Variants in TMEM255A observed in about 807,000 individuals in gnomAD.
The protein encoded by TMEM255A is family with sequence similarity 70, member A.
A neutral mutation model predicts 23.5 loss-of-function variants in TMEM255A; 14 were observed. The observed-to-expected ratio is 0.60, with a 90% confidence interval of 0.39 to 0.93. The LOEUF (loss-of-function observed/expected upper bound fraction) is 0.93, where lower values mean the gene tolerates loss of function less well. TMEM255A is among the 40% of genes least tolerant of loss of function. TMEM255A has a pLI of 0.00. For synonymous variants in TMEM255A, 104 were observed against 100.3 expected (o/e 1.04, Z -0.22); for missense variants, 233 against 261.7 (o/e 0.89, Z 0.76).
chrX:120,307,859 T>C (rs1248845904), intron 1 of TMEM255A, among the ~76,000 whole-genome samples: 3 of 112,066 alleles, frequency 2.7e-5, no homozygotes, highest in Non-Finnish European at 5.6e-5. Context: ...GCAGCCTCCC[T>C]GCAGAACTAC....
intron 8 of TMEM255A, among the ~76,000 whole-genome samples, chrX:120,264,838 T>A (rs2057704415): frequency 9.1e-6 from 1 of 109,519 alleles, no homozygotes; most frequent in Non-Finnish European, 1.9e-5. Flanking sequence ...TTTTTATTTA[T>A]CTGGGAATAT....
At position 120,291,243 on chromosome X, in the gene TMEM255A, A is replaced by G. The variant is rs1235086650; in HGVS notation, c.354+8T>C. On this transcript the variant is annotated splice_region_variant and intron_variant, in intron 4 of 8. Coordinates refer to ENST00000371369, the MANE Select transcript of TMEM255A (RefSeq NM_001104544.3). The stretch of plus-strand genomic sequence containing the variant: ...ATTTACTTTAACTCAGGACGAAAAA[A>G]TACTCACAATGTGTCTGGCAGCAAA... 1 of 1,198,245 alleles carries G rather than the reference A, an allele frequency of 8.3e-7. No individual in the cohort carries two copies.
At position 120,260,883 on chromosome X, in the gene TMEM255A, G is replaced by A. The variant is rs782537322; in HGVS notation, c.965C>T (p.Pro322Leu). The part of the protein sequence containing the change: ...PYYPPFEKPP[P>L]YSP ...AGGCATTCCTCTTTAGGGACTGTAA[G>A]GTGGTGGCTTTTCAAAAGGTGGATA... Residue 322 changes from proline (P) to leucine (L), a missense_variant, in exon 9 of 9, where the codon CCT becomes CTT. Coordinates refer to ENST00000371369, the MANE Select transcript of TMEM255A (RefSeq NM_001104544.3). 8.3e-7 allele frequency: 1 copy of A among 1,203,276 alleles called. No individual in the cohort carries two copies. The highest frequency in any genetic ancestry group is 1.8e-5 in the South Asian group (1 of 55,710).
intron 2 of TMEM255A, among the ~76,000 whole-genome samples, chrX:120,297,114 T>A (rs1163704661): frequency 5.1e-4 from 16 of 31,084 alleles, no homozygotes; most frequent in Non-Finnish European, 7.4e-4. Flanking sequence ...ATATATTATA[T>A]TATATTATAA....
At chrX:120,287,265 A>G in intron 4 of TMEM255A, 43 bp from the exon 5 acceptor site, 1 of 1,041,333 alleles carries the variant, frequency 9.6e-7, no homozygotes, top group African/African-American at 1.9e-5. Context: ...TGACTTTGGA[A>G]AATAAAACAG....
chrX:120,305,920 G>A (rs1556026961), intron 1 of TMEM255A, among the ~76,000 whole-genome samples: 1 of 111,745 alleles, frequency 8.9e-6, no homozygotes, highest in Non-Finnish European at 1.9e-5. Flanking sequence ...GGTGGGAGGG[G>A]CAGGCGGTCT....
At chrX:120,253,842 G>A (rs1038433335), downstream of TMEM255A, 6 of 1,211,134 alleles carry the variant, frequency 5.0e-6, 1 homozygote, top group East Asian at 1.8e-4. Flanking sequence ...TCCTGATTCT[G>A]GTGACAAGAA....
rs1287078727 is a variant in TMEM255A, at chrX:120,260,618, A to T, written c.*252T>A. 15 of 332,319 alleles carry T rather than the reference A, an allele frequency of 4.5e-5. No individual in the cohort carries two copies. The highest frequency in any genetic ancestry group is 7.1e-5 in the Non-Finnish European group (14 of 197,599). The allele number at this position is 332,319 out of a possible 1,213,427, so 27.4% of individuals were successfully genotyped here. The stretch of plus-strand genomic sequence containing the variant: ...AGCATAGGGTAATGCAAGTCCAAAC[A>T]AGCTTCTTGCTGGGCTGGCTCCCCA... On this transcript the variant is annotated 3_prime_UTR_variant, in exon 9 of 9. Coordinates refer to ENST00000371369, the MANE Select transcript of TMEM255A (RefSeq NM_001104544.3).
At chrX:120,279,628 AT>A (rs1468023918) in intron 6 of TMEM255A, among the ~76,000 whole-genome samples, 3 of 112,503 alleles carry the variant, frequency 2.7e-5, no homozygotes, top group South Asian at 3.7e-4. Flanking sequence ...GGCAGGCAGT[AT>A]GCCATAGCTG....
intron 8 of TMEM255A, among the ~76,000 whole-genome samples, chrX:120,264,335 A>G (rs782489431): frequency 9.0e-5 from 10 of 111,456 alleles, no homozygotes; most frequent in Admixed American, 1.9e-4. Flanking sequence ...GTCTCAGCTT[A>G]TATCCTTCCT....
Position 120,311,251 on chromosome X carries a change from C to T in TMEM255A, c.58+1G>A, listed in dbSNP as rs1556028333. 8.5e-7 allele frequency: 1 copy of T among 1,181,268 alleles called. No individual in the cohort carries two copies. Among genetic ancestry groups the T allele is most frequent in the South Asian group, 1.9e-5 (1 of 53,483 alleles). On this transcript the variant is annotated splice_donor_variant, in intron 1 of 8. Coordinates refer to ENST00000371369, the MANE Select transcript of TMEM255A (RefSeq NM_001104544.3). LOFTEE classifies it high-confidence loss of function. Reference sequence around the variant, plus strand: ...CCCGAAGGAAGGGCCGCTAGACTTACCCATGGAATCGGGCAGGGACATGTC... The same window carrying T: ...CCCGAAGGAAGGGCCGCTAGACTTATCCATGGAATCGGGCAGGGACATGTC...
chrX:120,265,911 G>A (rs979064307), intron 8 of TMEM255A, among the ~76,000 whole-genome samples: 2 of 107,232 alleles, frequency 1.9e-5, no homozygotes, highest in Admixed American at 2.0e-4. Flanking sequence ...TTGGGAGGCC[G>A]AGGCGGGTGA....
intron 7 of TMEM255A, among the ~76,000 whole-genome samples, 179 bp from the exon 8 acceptor site, chrX:120,268,566 T>C (rs1252231159): frequency 8.9e-6 from 1 of 111,835 alleles, no homozygotes; most frequent in Non-Finnish European, 1.9e-5. Flanking sequence ...TTATGTTACA[T>C]TAATATAACA....
intron 6 of TMEM255A, among the ~76,000 whole-genome samples, chrX:120,284,400 C>G (rs1176982400): frequency 9.9e-5 from 11 of 111,329 alleles, no homozygotes; most frequent in African/African-American, 3.6e-4. Context: ...GCTTGAAGCA[C>G]TCTTTCTCCA....
At chrX:120,261,296 T>C (rs1451121619) in intron 8 of TMEM255A, among the ~76,000 whole-genome samples, 1 of 111,987 alleles carries the variant, frequency 8.9e-6, no homozygotes, top group Non-Finnish European at 1.9e-5. Context: ...CTTCTACTTC[T>C]GTGTTGTCTC....
intron 8 of TMEM255A, among the ~76,000 whole-genome samples, chrX:120,264,190 C>T (rs1418848141): frequency 9.0e-6 from 1 of 111,310 alleles, no homozygotes; most frequent in Non-Finnish European, 1.9e-5. Flanking sequence ...GTTTAATTTC[C>T]CAGCAGAAGT....
At chrX:120,305,482 G>A (rs1012070200) in intron 1 of TMEM255A, among the ~76,000 whole-genome samples, 2 of 110,143 alleles carry the variant, frequency 1.8e-5, no homozygotes, top group Admixed American at 9.6e-5. Flanking sequence ...GTGGAGGTTT[G>A]GAGCATGAGG....
chrX:120,294,503 A>G (rs928665156), intron 2 of TMEM255A, among the ~76,000 whole-genome samples: 6 of 111,722 alleles, frequency 5.4e-5, no homozygotes, highest in Non-Finnish European at 1.1e-4. Context: ...TACAGCATGT[A>G]CAATAAAAGT....
intron 5 of TMEM255A, chrX:120,285,933 T>A (rs782578589): frequency 8.6e-7 from 1 of 1,158,609 alleles, no homozygotes; most frequent in East Asian, 3.3e-5. Context: ...CCCATCCAGA[T>A]GCAATGAAGT....
Sources: gnomAD v4.1 joint callset for allele counts (sites outside exome capture counted in the v4.1 genomes callset) on GRCh38, gnomAD v4.1.1 for gene constraint, MANE v1.5 for transcripts, NCBI Gene and HGNC (gene_info 2026-07-23, HGNC 2026-07-21) for gene names.